The following SMAP2 variants were observed in gnomAD, a reference collection of about 807,000 sequenced individuals.
The protein encoded by SMAP2 is stromal membrane-associated protein 2.
A neutral mutation model predicts 56.4 loss-of-function variants in SMAP2; 25 were observed. The observed-to-expected ratio is 0.44, with a 90% CI of 0.32 to 0.62. The LOEUF (loss-of-function observed/expected upper bound fraction) is 0.62, where lower values mean the gene tolerates loss of function less well. Among genes scored for constraint, SMAP2 ranks in the 20% least tolerant of loss-of-function variants. The pLI, the probability that SMAP2 is intolerant of heterozygous loss-of-function variation, is 0.04. For missense variants in SMAP2, 388 were observed against 545.6 expected (o/e 0.71, Z 2.88); for synonymous variants, 157 against 181.7 (o/e 0.86, Z 1.09).
intron 1 of SMAP2, among the ~76,000 whole-genome samples, chr1:40,390,846 A>G (rs1476477714): frequency 2.0e-5 from 3 of 152,162 alleles, no homozygotes; most frequent in Non-Finnish European, 4.4e-5. Context: ...GTTTGTTACA[A>G]TTTTAGAATT....
At chr1:40,349,250 A>G (rs1644400668) in intron 1 of SMAP2, among the ~76,000 whole-genome samples, 1 of 152,156 alleles carries the variant, frequency 6.6e-6, no homozygotes, top group African/African-American at 2.4e-5. Flanking sequence ...GCTGGGGTCA[A>G]AAATAGGCCT....
chr1:40,417,254 A>G (rs947109491), intron 9 of SMAP2, among the ~76,000 whole-genome samples, 158 bp downstream of exon 9: 3 of 147,610 alleles, frequency 2.0e-5, no homozygotes, highest in East Asian at 2.0e-4. Context: ...TTTTCCTAGA[A>G]GGTCTGTCTA....
intron 1 of SMAP2, among the ~76,000 whole-genome samples, chr1:40,357,271 A>T (rs1000634222): frequency 2.0e-5 from 3 of 152,144 alleles, no homozygotes; most frequent in African/African-American, 7.2e-5. Flanking sequence ...CCTGGACAAC[A>T]TGGTGAAACC....
intron 2 of SMAP2, 60 bp downstream of exon 2, chr1:40,406,929 T>A: frequency 6.6e-7 from 1 of 1,504,296 alleles, no homozygotes; most frequent in African/African-American, 1.4e-5. Context: ...GAATTCCAGA[T>A]GAATTTCAGT....
chr1:40,352,400 C>A (rs552236243), intron 1 of SMAP2, among the ~76,000 whole-genome samples: 228 of 152,278 alleles, frequency 1.5e-3, no homozygotes, highest in Non-Finnish European at 2.3e-3. Flanking sequence ...TTTAATCTCT[C>A]TGCCTATAAT....
intron 1 of SMAP2, among the ~76,000 whole-genome samples, chr1:40,354,679 A>C (rs1644426005): frequency 6.6e-6 from 1 of 150,548 alleles, no homozygotes; most frequent in Non-Finnish European, 1.5e-5. Flanking sequence ...TTAAATGAGA[A>C]TTGTTTTGGA....
chr1:40,357,780 TC>T (rs1644443203), intron 1 of SMAP2, among the ~76,000 whole-genome samples: 1 of 152,198 alleles, frequency 6.6e-6, no homozygotes, highest in Admixed American at 6.5e-5. Context: ...GCTCCATTTG[TC>T]TATATGTCCA....
chr1:40,374,235 C>T lies in SMAP2; in HGVS notation c.103+12C>T, dbSNP rs759086760. On this transcript the variant is annotated intron_variant, in intron 1 of 9. Coordinates refer to ENST00000372718, the MANE Select transcript of SMAP2 (RefSeq NM_022733.3). The surrounding 1 kb of genome is among the most constrained non-coding windows in gnomAD (Gnocchi z 5.9). ...TTGCCAGTCTAAAGGTAGCGCATCC[C>T]ACCTGGCGGGCCAGGGGTCCAGCCG... 10 of 1,601,466 alleles carry T rather than the reference C, an allele frequency of 6.2e-6. No homozygotes were observed. In the South Asian group the frequency reaches 1.0e-4, roughly 16 times the overall value.
rs144323847 is a variant in SMAP2, at chr1:40,349,799, G to A, written c.-83+4889G>A. On this transcript the variant is annotated intron_variant, in intron 1 of 6. Transcript: ENST00000435168. ...CTCCCAAAGTGCTTGTATTATAGGC[G>A]TGAGCCACCATGCCCAGCCACAAGA... Among the ~76,000 whole-genome samples, 765 of 152,308 alleles carry A rather than the reference G, an allele frequency of 5.0e-3. 7 individuals are homozygous for A. The highest frequency in any genetic ancestry group is 0.017 in the African/African-American group (695 of 41,550).
chr1:40,363,616 A>G (rs1419168479), intron 2 of SMAP2, among the ~76,000 whole-genome samples: 1 of 152,226 alleles, frequency 6.6e-6, no homozygotes, highest in Non-Finnish European at 1.5e-5. Flanking sequence ...CACACAAAAA[A>G]TCACCTTCAT....
chr1:40,370,731 A>G (rs1644492804), upstream of SMAP2, among the ~76,000 whole-genome samples: 1 of 123,174 alleles, frequency 8.1e-6, no homozygotes, highest in Non-Finnish European at 1.7e-5. Flanking sequence ...GGGGAGGGAT[A>G]GCATTGGGAG....
In SMAP2 at chr1:40,408,898, C is replaced by T. The variant is rs1293555069; in HGVS notation, c.323+160C>T. ...CTGCAATCAAGGTGCACAAAAAGCA[C>T]ATGTATTTGTGAATGTCGGAATTGT... On this transcript the variant is annotated intron_variant, in intron 3 of 9. Coordinates refer to ENST00000372718, the MANE Select transcript of SMAP2 (RefSeq NM_022733.3). The surrounding 1 kb of genome is among the most constrained non-coding windows in gnomAD (Gnocchi z 4.3). Among the ~76,000 whole-genome samples the T allele has an allele frequency of 1.3e-5, 2 of 152,280 alleles. No homozygotes were observed. The highest frequency in any genetic ancestry group is 1.5e-5 in the Non-Finnish European group (1 of 68,024).
intron 4 of SMAP2, 149 bp from the exon 5 acceptor site, chr1:40,412,867 C>T: frequency 1.6e-6 from 1 of 607,724 alleles, no homozygotes; most frequent in South Asian, 2.0e-5. Context: ...TCATGCTCCA[C>T]ACCAAGACAC....
rs1644515905 is a variant in SMAP2 at position 40,373,871 on chromosome 1, C to A, written c.-250C>A. The A allele has an allele frequency of 2.5e-6, 1 of 399,538 alleles. No homozygotes were observed. The highest frequency in any genetic ancestry group is 4.2e-5 in the Admixed American group (1 of 24,006). 24.7% of individuals were successfully genotyped at this position (399,538 alleles called of 1,614,324 possible). A position where few individuals can be genotyped will look rare whatever the true frequency, so the allele number is the denominator to read the frequency against. On this transcript the variant is annotated 5_prime_UTR_variant, in exon 1 of 10. Transcript: ENST00000372718. Reference sequence around the variant, plus strand: ...CTTTGCCTGGGCTGAGGGTCTCTGGCCCCGCAGCCTCTCTTGGAGGCGGGC... The same window carrying A: ...CTTTGCCTGGGCTGAGGGTCTCTGGACCCGCAGCCTCTCTTGGAGGCGGGC...
chr1:40,401,018 G>A (rs1644828271), intron 1 of SMAP2, among the ~76,000 whole-genome samples: 2 of 152,204 alleles, frequency 1.3e-5, no homozygotes, highest in Admixed American at 1.3e-4. Context: ...CCAGCACTCT[G>A]GGAGGCCGAG....
Position 40,421,958 on chromosome 1 carries a change from C to G in SMAP2, c.1165-18C>G. On this transcript the variant is annotated intron_variant, in intron 9 of 9. Transcript: ENST00000372718. Reference sequence around the variant, plus strand: ...AATGCCCACAGCCTGGTCTGAAAGTCTCCTCTCTCCCTTTCAGATGACCCA... The same window carrying G: ...AATGCCCACAGCCTGGTCTGAAAGTGTCCTCTCTCCCTTTCAGATGACCCA... The G allele has an allele frequency of 6.2e-7, 1 of 1,614,052 alleles. No homozygotes were observed. The highest frequency in any genetic ancestry group is 8.5e-7 in the Non-Finnish European group (1 of 1,179,946).
At chr1:40,358,606 C>T (rs1348424641) in intron 1 of SMAP2, among the ~76,000 whole-genome samples, 2 of 152,138 alleles carry the variant, frequency 1.3e-5, no homozygotes, top group Non-Finnish European at 2.9e-5. Flanking sequence ...GCCACTGCAC[C>T]TGGTCTTGAA....
chr1:40,417,116 T>C lies in SMAP2; in HGVS notation c.1164+20T>C, dbSNP rs1443348101. 1.3e-6 allele frequency: 2 copies of C among 1,575,090 alleles called. No individual in the cohort carries two copies. The highest frequency in any genetic ancestry group is 1.7e-6 in the Non-Finnish European group (2 of 1,152,698). On this transcript the variant is annotated intron_variant, in intron 9 of 9. Transcript: ENST00000372718. Reference sequence around the variant, plus strand: ...ACTCAGGTAAGCTACCCCATTTTACTTGCAGCAAGAGTTTTGAGCCTTCCT... The same window carrying C: ...ACTCAGGTAAGCTACCCCATTTTACCTGCAGCAAGAGTTTTGAGCCTTCCT...
intron 1 of SMAP2, among the ~76,000 whole-genome samples, chr1:40,378,980 T>C (rs1347051999): frequency 1.5e-5 from 2 of 131,554 alleles, no homozygotes; most frequent in African/African-American, 2.6e-5. Flanking sequence ...TCTTTTCTTT[T>C]CTTTTTTTTT....
Sources: allele counts gnomAD v4.1 joint callset (sites outside exome capture counted in the v4.1 genomes callset), GRCh38; gene constraint gnomAD v4.1.1; non-coding constraint Gnocchi (gnomAD v3.1); transcripts MANE v1.5; gene names NCBI Gene and HGNC (gene_info 2026-07-23, HGNC 2026-07-21).